Variants in MAPK10 observed in about 807,000 individuals in gnomAD.
MAPK10 encodes mitogen-activated protein kinase 10.
In MAPK10, 25 loss-of-function variants were observed where a neutral mutation model predicts 59.3. That is an observed-to-expected ratio of 0.42 (90% CI 0.31 to 0.59). The LOEUF is 0.59. Ranked by LOEUF, MAPK10 falls within the 20% of genes least tolerant of loss-of-function variation. MAPK10 has a pLI of 0.15. For synonymous variants in MAPK10, 190 were observed against 200.5 expected, an observed-to-expected ratio of 0.95 and a Z score of 0.44; for missense variants, 351 against 568.9, an observed-to-expected ratio of 0.62 and a Z score of 3.90.
intron 11 of MAPK10, among the ~76,000 whole-genome samples, chr4:86,060,103 TG>T (rs1991975773): frequency 6.6e-6 from 1 of 152,194 alleles, no homozygotes; most frequent in Non-Finnish European, 1.5e-5. Flanking sequence ...CCATGAAGCT[TG>T]GCCTCAACGC....
intron 1 of MAPK10, among the ~76,000 whole-genome samples, chr4:86,568,685 A>G (rs1761231872): frequency 6.6e-6 from 1 of 152,176 alleles, no homozygotes; most frequent in African/African-American, 2.4e-5. Context: ...ACAAAAATAT[A>G]CACTGGGGAA....
At chr4:86,476,555 G>A (rs897698637) in intron 1 of MAPK10, among the ~76,000 whole-genome samples, 1 of 152,088 alleles carries the variant, frequency 6.6e-6, no homozygotes, top group Non-Finnish European at 1.5e-5. Flanking sequence ...GACCCTGAAA[G>A]GTCAGAAGGC....
chr4:86,443,993 C>T (rs1457994719), intron 1 of MAPK10, among the ~76,000 whole-genome samples: 1 of 151,086 alleles, frequency 6.6e-6, no homozygotes, highest in African/African-American at 2.4e-5. Context: ...GGGAAAGAAT[C>T]TGAGTTTGAG....
chr4:86,139,765 A>G (rs990301667), intron 4 of MAPK10, among the ~76,000 whole-genome samples: 5 of 151,834 alleles, frequency 3.3e-5, no homozygotes, highest in African/African-American at 1.2e-4. Flanking sequence ...ATGGGAGAAA[A>G]TTTTCTCAAC....
intron 1 of MAPK10, among the ~76,000 whole-genome samples, chr4:86,505,380 G>A (rs1400574742): frequency 6.6e-6 from 1 of 152,058 alleles, no homozygotes; most frequent in Non-Finnish European, 1.5e-5. Flanking sequence ...GGAGGCCAAG[G>A]CAGGAGGATT....
chr4:86,371,277 G>A (rs1738714185), intron 1 of MAPK10, among the ~76,000 whole-genome samples: 1 of 152,050 alleles, frequency 6.6e-6, no homozygotes. Context: ...TGCCATCACT[G>A]GCTGATGATT....
intron 4 of MAPK10, among the ~76,000 whole-genome samples, chr4:86,132,781 A>T (rs1314926179): frequency 1.3e-5 from 2 of 152,192 alleles, no homozygotes; most frequent in Non-Finnish European, 2.9e-5. Context: ...ACTCCTTGTG[A>T]GGATCTAATA....
In MAPK10 at chr4:86,404,918, ACT is replaced by A. The variant is rs570671810; in HGVS notation, c.-122+48110_-122+48111del. Among the ~76,000 whole-genome samples the A allele has an allele frequency of 6.5e-3, 983 of 152,330 alleles. 6 individuals carry two copies. The highest frequency in any genetic ancestry group is 0.011 in the Non-Finnish European group (749 of 68,022). On this transcript the variant is annotated intron_variant, in intron 1 of 13. Transcript: ENST00000361569. ...TAATATAATAATTATATAATTGCTAACTCATAACCTTGAATAAGGAAATGAAA... is the reference window on the plus strand; with the variant it reads ...TAATATAATAATTATATAATTGCTAACATAACCTTGAATAAGGAAATGAAA...
intron 1 of MAPK10, among the ~76,000 whole-genome samples, chr4:86,516,588 G>T (rs560204781): frequency 6.6e-6 from 1 of 152,092 alleles, no homozygotes; most frequent in Admixed American, 6.6e-5. Flanking sequence ...TCTTCGTAAA[G>T]ATCTTTCACC....
intron 1 of MAPK10, among the ~76,000 whole-genome samples, chr4:86,499,242 A>T (rs1050095399): frequency 3.3e-5 from 5 of 152,236 alleles, no homozygotes; most frequent in African/African-American, 1.2e-4. Context: ...AAAGTTATAC[A>T]AAAGGAAAAG....
chr4:86,191,769 C>T (rs977708373), intron 3 of MAPK10: 2 of 151,544 alleles, frequency 1.3e-5, no homozygotes, highest in South Asian at 4.2e-4. Context: ...AGCCCATTTA[C>T]CTTTAAGGTT....
At chr4:86,280,299 C>G (rs912721464) in intron 2 of MAPK10, among the ~76,000 whole-genome samples, 1 of 152,094 alleles carries the variant, frequency 6.6e-6, no homozygotes, top group African/African-American at 2.4e-5. Context: ...AGGACATGAA[C>G]AGAGACTTCT....
intron 2 of MAPK10, among the ~76,000 whole-genome samples, chr4:86,248,857 C>T (rs143992225): frequency 0.012 from 1,768 of 152,192 alleles, 43 homozygotes; most frequent in African/African-American, 0.041. Flanking sequence ...CAAAGGAGAA[C>T]AAACCATAAA....
At chr4:86,336,754 A>G (rs1721631931) in intron 2 of MAPK10, 1 of 149,964 alleles carries the variant, frequency 6.7e-6, no homozygotes, top group Admixed American at 6.7e-5. Flanking sequence ...TTCCACCAAA[A>G]TATAAGCTCC....
intron 9 of MAPK10, among the ~76,000 whole-genome samples, chr4:86,076,255 C>T (rs1439259013): frequency 6.6e-6 from 1 of 152,116 alleles, no homozygotes; most frequent in Non-Finnish European, 1.5e-5. Flanking sequence ...CTTCGGCTCG[C>T]GCACGGTGCG....
At position 86,398,028 on chromosome 4, in the gene MAPK10, CTA is replaced by C. The variant is rs1743194649; in HGVS notation, c.-121-43386_-121-43385del. 2.0e-5 allele frequency among the ~76,000 whole-genome samples: 3 copies of C among 152,062 alleles called. No homozygotes were observed. In the East Asian group the frequency reaches 5.8e-4, roughly 29 times the overall value. Reference sequence around the variant, plus strand: ...CTTTCCACTCTATCTGTATCCCAAACTATCACGACTCCTAACACTAGTCTTCA... The same window carrying C: ...CTTTCCACTCTATCTGTATCCCAAACTCACGACTCCTAACACTAGTCTTCA... On this transcript the variant is annotated intron_variant, in intron 1 of 13. Transcript: ENST00000361569.
At chr4:86,048,039 G>A (rs772272457) in intron 11 of MAPK10, among the ~76,000 whole-genome samples, 4 of 152,002 alleles carry the variant, frequency 2.6e-5, no homozygotes, top group Non-Finnish European at 5.9e-5. Flanking sequence ...GAGTTGTTGA[G>A]GATAGTCATC....
intron 1 of MAPK10, among the ~76,000 whole-genome samples, chr4:86,505,926 T>C (rs1246670383): frequency 6.6e-6 from 1 of 152,188 alleles, no homozygotes; most frequent in African/African-American, 2.4e-5. Flanking sequence ...GCAGATGATC[T>C]TGTTCCTGAA....
chr4:86,289,219 G>A (rs566359531), intron 2 of MAPK10, among the ~76,000 whole-genome samples: 159 of 152,156 alleles, frequency 1.0e-3, no homozygotes, highest in Non-Finnish European at 2.1e-3. Flanking sequence ...TCGGATGAGT[G>A]TGCAAAGTGC....
Sources: gnomAD v4.1 joint callset for allele counts (sites outside exome capture counted in the v4.1 genomes callset) on GRCh38, gnomAD v4.1.1 for gene constraint, MANE v1.5 for transcripts, NCBI Gene and HGNC (gene_info 2026-07-23, HGNC 2026-07-21) for gene names.